Variants in PICALM observed in about 807,000 individuals in gnomAD.
PICALM encodes the protein phosphatidylinositol binding clathrin assembly protein, also known as phosphatidylinositol-binding clathrin assembly protein.
A neutral mutation model predicts 80.5 loss-of-function variants in PICALM; 40 were observed. That is an observed-to-expected ratio of 0.50 (90% confidence interval 0.39 to 0.65). The LOEUF (loss-of-function observed/expected upper bound fraction) is 0.65, where lower values mean the gene tolerates loss of function less well. Ranked by LOEUF, PICALM falls within the 30% of genes least tolerant of loss-of-function variation. PICALM has a pLI of 0.00. For synonymous variants in PICALM, 288 were observed against 260.3 expected, an observed-to-expected ratio of 1.11 and a Z score of -1.02; for missense variants, 676 against 778.9, an observed-to-expected ratio of 0.87 and a Z score of 1.57.
At chr11:86,019,165 C>T (rs2095527416) in intron 4 of PICALM, among the ~76,000 whole-genome samples, 1 of 152,142 alleles carries the variant, frequency 6.6e-6, no homozygotes, top group South Asian at 2.1e-4. Flanking sequence ...AACTTTACTA[C>T]TTACAATGAG....
At chr11:86,025,635 T>C (rs182516816) in intron 3 of PICALM, among the ~76,000 whole-genome samples, 165 of 151,940 alleles carry the variant, frequency 1.1e-3, no homozygotes, top group African/African-American at 3.8e-3. Flanking sequence ...CTTGGCTCAC[T>C]GCAACCTTCG....
chr11:86,006,756 G>A (rs574733467), intron 8 of PICALM, among the ~76,000 whole-genome samples: 1 of 152,328 alleles, frequency 6.6e-6, no homozygotes, highest in African/African-American at 2.4e-5. Flanking sequence ...GCTTATGCCA[G>A]GTACTTTCAT....
At chr11:86,009,953 T>C (rs1283656347) in intron 7 of PICALM, among the ~76,000 whole-genome samples, 10 of 152,218 alleles carry the variant, frequency 6.6e-5, no homozygotes, top group African/African-American at 2.4e-4. Flanking sequence ...ACAAAGCTAT[T>C]GTTGATCATC....
chr11:86,055,147 A>G (rs546091843), intron 1 of PICALM, among the ~76,000 whole-genome samples: 1 of 150,774 alleles, frequency 6.6e-6, no homozygotes, highest in South Asian at 2.2e-4. Flanking sequence ...CCTGGACAAC[A>G]TGGTGAAACC....
At position 85,982,006 on chromosome 11, in the gene PICALM, T is replaced by TAA. The variant is rs1231193993; in HGVS notation, c.1517-5_1517-4dup. 2 of 1,612,694 alleles carry TAA rather than the reference T, an allele frequency of 1.2e-6. No individual in the cohort carries two copies. Among genetic ancestry groups the TAA allele is most frequent in the East Asian group, 4.5e-5 (2 of 44,876 alleles). Reference sequence around the variant, plus strand: ...AAGTCCACCTAGTTCATCAAAGCCTTAAAGTTACAAACAGACGAAATAGAA... The same window carrying TAA: ...AAGTCCACCTAGTTCATCAAAGCCTTAAAAAGTTACAAACAGACGAAATAGAA... On this transcript the variant is annotated splice_polypyrimidine_tract_variant and splice_region_variant and intron_variant, in intron 14 of 19. Transcript: ENST00000393346.
chr11:86,006,988 T>C, intron 8 of PICALM, among the ~76,000 whole-genome samples: 1 of 152,200 alleles, frequency 6.6e-6, no homozygotes, highest in Non-Finnish European at 1.5e-5. Context: ...ATCTTCATTT[T>C]ACAGATGATG....
At chr11:85,981,424 G>A (rs558829577) in intron 16 of PICALM, among the ~76,000 whole-genome samples, 196 bp from the exon 17 acceptor site, 3 of 152,106 alleles carry the variant, frequency 2.0e-5, no homozygotes, top group East Asian at 3.9e-4. Context: ...TGGCTAACAC[G>A]GCGAAACCCC....
At position 86,012,264 on chromosome 11, in the gene PICALM, G is replaced by T. The variant is rs146380654; in HGVS notation, c.658+17C>A. On this transcript the variant is annotated intron_variant, in intron 6 of 19. Coordinates refer to ENST00000393346, the MANE Select transcript of PICALM (RefSeq NM_007166.4). ...GACACAAGATAAGAAATGTTATTAG[G>T]CTACAGCAGTATTTACCCAACAAAT... 155 of 1,308,024 alleles carry T rather than the reference G, an allele frequency of 1.2e-4. No homozygotes were observed. The African/African-American group carries it at 2.0e-3, about 17-fold the overall frequency. 81.0% of individuals were successfully genotyped at this position (1,308,024 alleles called of 1,614,324 possible).
chr11:85,993,410 C>T (rs1023829649), intron 12 of PICALM, among the ~76,000 whole-genome samples: 2 of 151,672 alleles, frequency 1.3e-5, no homozygotes, highest in Non-Finnish European at 2.9e-5. Flanking sequence ...ATAGTTTTGT[C>T]CCTTTTTTTT....
chr11:85,976,475 T>C, intron 18 of PICALM, 148 bp downstream of exon 18: 1 of 556,484 alleles, frequency 1.8e-6, no homozygotes. Context: ...GACATACTTA[T>C]GAAACCAATG....
chr11:86,027,782 A>G (rs1316954606), intron 2 of PICALM, among the ~76,000 whole-genome samples: 1 of 152,050 alleles, frequency 6.6e-6, no homozygotes, highest in Non-Finnish European at 1.5e-5. Context: ...TGGCCCCCCA[A>G]ACTCTCAGGA....
intron 1 of PICALM, among the ~76,000 whole-genome samples, chr11:86,035,477 G>A (rs2095824986): frequency 6.6e-6 from 1 of 152,134 alleles, no homozygotes. Context: ...GCCTAAACCA[G>A]TATTTGTTTG....
chr11:85,991,698 A>G (rs2094785068), intron 12 of PICALM, among the ~76,000 whole-genome samples: 1 of 152,208 alleles, frequency 6.6e-6, no homozygotes, highest in African/African-American at 2.4e-5. Context: ...ATCTATCAAA[A>G]TATGCTGATT....
Position 85,990,324 on chromosome 11 carries a change from C to A in PICALM, c.1334G>T (p.Gly445Val). The change falls in exon 13 of 20, where the codon GGT becomes GTT. Residue 445 changes from glycine to valine, a missense_variant. Physicochemically the swap from Gly to Val is moderately radical, Grantham distance 109 (BLOSUM62 -3). Transcript: ENST00000393346. The stretch of plus-strand genomic sequence containing the variant: ...TGAAGAAATGGAAAGGTGAACATCA[C>A]CACTACTTTTTGTGAGGAAAGGATT... ...SLNPFLTKSS[G>V]DVHLSISSDV... The A allele has an allele frequency of 6.2e-7, 1 of 1,604,382 alleles. No homozygotes were observed. The highest frequency in any genetic ancestry group is 8.5e-7 in the Non-Finnish European group (1 of 1,171,584).
At chr11:86,034,630 T>C (rs1280854409) in intron 1 of PICALM, among the ~76,000 whole-genome samples, 1 of 152,170 alleles carries the variant, frequency 6.6e-6, no homozygotes, top group African/African-American at 2.4e-5. Flanking sequence ...GAATATTCAT[T>C]ATTAACAATT....
rs1345272222 is a variant in PICALM at position 86,022,450 on chromosome 11, A to G, written c.369T>C (p.Phe123=). Residue 123 remains phenylalanine, a synonymous_variant, in exon 4 of 20, where the codon TTT becomes TTC. Transcript: ENST00000393346. ...TTAAATATCTACTATACCGCCTAAT[A>G]AATGTAGACATGTCATATCCTGTAA... ...SGLQGYDMST[F]IRRYSRYLNE... The G allele has an allele frequency of 6.4e-7, 1 of 1,556,826 alleles. No individual in the cohort carries two copies. Among genetic ancestry groups the G allele is most frequent in the Admixed American group, 1.8e-5 (1 of 55,474 alleles).
intron 10 of PICALM, 29 bp from the exon 11 acceptor site, chr11:86,000,808 T>C (rs747777669): frequency 6.3e-7 from 1 of 1,598,270 alleles, no homozygotes; most frequent in Non-Finnish European, 8.5e-7. Flanking sequence ...ACCATAAGGA[T>C]TCCAGAAACC....
At position 85,957,989 on chromosome 11, in the gene PICALM, A is replaced by G. The variant is rs1198402349; in HGVS notation, c.*1057T>C. On this transcript the variant is annotated 3_prime_UTR_variant, in exon 20 of 20. Coordinates refer to ENST00000393346, the MANE Select transcript of PICALM (RefSeq NM_007166.4). Reference sequence around the variant, plus strand: ...AAAAGGTATATGATCATAACATGGCACGAGCCAAAGAAAATGTTCAAGGAC... The same window carrying G: ...AAAAGGTATATGATCATAACATGGCGCGAGCCAAAGAAAATGTTCAAGGAC... The G allele has an allele frequency of 4.4e-6, 1 of 225,530 alleles. No homozygotes were observed. The highest frequency in any genetic ancestry group is 2.2e-5 in the African/African-American group (1 of 44,860). 14.0% of individuals were successfully genotyped at this position (225,530 alleles called of 1,614,324 possible).
chr11:86,005,255 G>A (rs1042399366), intron 8 of PICALM, among the ~76,000 whole-genome samples: 5 of 152,212 alleles, frequency 3.3e-5, no homozygotes, highest in Admixed American at 6.5e-5. Context: ...TGTGGTCATA[G>A]AAACTGTAGT....
Sources: allele counts gnomAD v4.1 joint callset (sites outside exome capture counted in the v4.1 genomes callset), GRCh38; gene constraint gnomAD v4.1.1; transcripts MANE v1.5; gene names NCBI Gene and HGNC (gene_info 2026-07-23, HGNC 2026-07-21).